Variants in CDK6 observed in about 807,000 individuals in gnomAD.
CDK6 encodes the protein cyclin dependent kinase 6.
CDK6 carries 6 observed loss-of-function variants against 37.1 expected under a neutral mutation model. That is an observed-to-expected ratio of 0.16 (90% CI 0.09 to 0.32). CDK6 has a LOEUF of 0.32. CDK6 is among the 10% of genes least tolerant of loss of function. CDK6 has a pLI of 1.00. For missense variants in CDK6, 224 were observed against 418.9 expected, an observed-to-expected ratio of 0.53 and a Z score of 4.06; for synonymous variants, 160 against 161.3, an observed-to-expected ratio of 0.99 and a Z score of 0.06.
At chr7:92,726,306 C>T in intron 3 of CDK6, among the ~76,000 whole-genome samples, 1 of 152,150 alleles carries the variant, frequency 6.6e-6, no homozygotes, top group East Asian at 1.9e-4. Context: ...CACACCACAA[C>T]ATTTAGGTAA....
At chr7:92,759,011 T>G (rs898955083) in intron 3 of CDK6, among the ~76,000 whole-genome samples, 16 of 152,194 alleles carry the variant, frequency 1.1e-4, no homozygotes, top group African/African-American at 3.9e-4. Flanking sequence ...TTGCTGAAGC[T>G]GTGGTTAAAA....
chr7:92,616,266 A>G (rs962667686), intron 7 of CDK6, among the ~76,000 whole-genome samples: 7 of 152,214 alleles, frequency 4.6e-5, no homozygotes, highest in Admixed American at 2.6e-4. Flanking sequence ...CCATGATATT[A>G]ATAGGACTCC....
chr7:92,718,455 C>T (rs941269233), intron 4 of CDK6, among the ~76,000 whole-genome samples: 4 of 152,194 alleles, frequency 2.6e-5, no homozygotes, highest in African/African-American at 9.7e-5. Context: ...ATAGTAAATA[C>T]AACACGCACG....
intron 3 of CDK6, among the ~76,000 whole-genome samples, chr7:92,735,801 A>C (rs1006281486): frequency 2.0e-5 from 3 of 152,134 alleles, no homozygotes; most frequent in Admixed American, 1.3e-4. Context: ...GAACATTCTC[A>C]CCGATTAAAC....
chr7:92,657,976 C>A (rs1034544366), intron 5 of CDK6, among the ~76,000 whole-genome samples: 4 of 152,172 alleles, frequency 2.6e-5, no homozygotes, highest in Non-Finnish European at 5.9e-5. Flanking sequence ...CCTGTTTTGG[C>A]CTTCCAAAGT....
intron 2 of CDK6, among the ~76,000 whole-genome samples, chr7:92,801,823 T>C (rs1800583604): frequency 6.6e-6 from 1 of 152,038 alleles, no homozygotes; most frequent in African/African-American, 2.4e-5. Flanking sequence ...GGTTTTGCCA[T>C]GTTGCCCAGA....
At chr7:92,643,343 A>G (rs1282088995) in intron 5 of CDK6, among the ~76,000 whole-genome samples, 1 of 152,224 alleles carries the variant, frequency 6.6e-6, no homozygotes, top group Non-Finnish European at 1.5e-5. Flanking sequence ...CAGGTTTGCC[A>G]TTATAGCACG....
At chr7:92,662,236 G>T (rs1796855127) in intron 5 of CDK6, among the ~76,000 whole-genome samples, 1 of 152,066 alleles carries the variant, frequency 6.6e-6, no homozygotes, top group African/African-American at 2.4e-5. Context: ...AGAAATTTTT[G>T]AACTGAAAGA....
At chr7:92,717,055 T>C (rs1798244327) in intron 4 of CDK6, among the ~76,000 whole-genome samples, 1 of 152,006 alleles carries the variant, frequency 6.6e-6, no homozygotes, top group African/African-American at 2.4e-5. Flanking sequence ...GGTGTCCGTA[T>C]GAAAAACAGG....
At chr7:92,748,263 G>A (rs1028336795) in intron 3 of CDK6, among the ~76,000 whole-genome samples, 1 of 152,150 alleles carries the variant, frequency 6.6e-6, no homozygotes, top group Non-Finnish European at 1.5e-5. Flanking sequence ...TGCAAAAAAG[G>A]CATTTTATAG....
chr7:92,713,462 G>C (rs1039626170), intron 4 of CDK6, among the ~76,000 whole-genome samples: 4 of 151,644 alleles, frequency 2.6e-5, no homozygotes, highest in Non-Finnish European at 4.4e-5. Context: ...CCCAAGATTT[G>C]GTTTCTATTA....
rs1156251229 is a variant in CDK6, at chr7:92,833,509, C to T, written c.-186G>A. ...CTGCAGAAGCTGGATGGAGAGACCT[C>T]CCCGCGGGGCTGGCGTAACCCTGGT... On this transcript the variant is annotated 5_prime_UTR_variant, in exon 2 of 8. Coordinates refer to ENST00000424848, the MANE Select transcript of CDK6 (RefSeq NM_001145306.2). The surrounding 1 kb of genome is among the most constrained non-coding windows in gnomAD (Gnocchi z 6.1). 1 of 563,306 alleles carries T rather than the reference C, an allele frequency of 1.8e-6. No homozygotes were observed. The highest frequency in any genetic ancestry group is 3.2e-5 in the East Asian group (1 of 31,710). 34.9% of individuals were successfully genotyped at this position (563,306 alleles called of 1,614,324 possible). A position where few individuals can be genotyped will look rare whatever the true frequency, so the allele number is the denominator to read the frequency against.
At position 92,618,149 on chromosome 7, in the gene CDK6, C is replaced by A. The variant is rs372096789; in HGVS notation, c.757G>T (p.Ala253Ser). The change falls in exon 7 of 8, where the codon GCT (alanine) becomes TCT (serine). Residue 253 changes from alanine to serine, a missense_variant. Ala to Ser is a moderately conservative substitution (Grantham distance 99). This residue lies in a region of CDK6 where 90 missense variants were observed against 136.2 expected (regional missense o/e 0.66). Coordinates refer to ENST00000424848, the MANE Select transcript of CDK6 (RefSeq NM_001145306.2). ...GGTTGGGCAGATTTTGAATGAAAAG[C>A]CTGCCTGGGAAGGGCAACATCTCTA... ...WPRDVALPRQ[A>S]FHSKSAQPIE... 3.7e-5 allele frequency: 59 copies of A among 1,613,958 alleles called. No individual in the cohort carries two copies. The highest frequency in any genetic ancestry group is 4.5e-5 in the Non-Finnish European group (53 of 1,179,938).
intron 5 of CDK6, among the ~76,000 whole-genome samples, chr7:92,632,504 C>G (rs1450879583): frequency 6.6e-6 from 1 of 152,048 alleles, no homozygotes; most frequent in Non-Finnish European, 1.5e-5. Flanking sequence ...AGGGCTCTGG[C>G]CCTTGAATGT....
At chr7:92,778,784 C>T (rs1422684024) in intron 2 of CDK6, among the ~76,000 whole-genome samples, 1 of 151,836 alleles carries the variant, frequency 6.6e-6, no homozygotes, top group African/African-American at 2.4e-5. Flanking sequence ...ATGACCATTT[C>T]AGTTGTGTTT....
intron 2 of CDK6, among the ~76,000 whole-genome samples, chr7:92,789,873 T>A (rs1800239326): frequency 6.6e-6 from 1 of 152,168 alleles, no homozygotes; most frequent in Non-Finnish European, 1.5e-5. Context: ...AGAACCAAGA[T>A]TTAAATTAGA....
intron 5 of CDK6, among the ~76,000 whole-genome samples, chr7:92,660,361 G>A (rs1796808285): frequency 6.6e-6 from 1 of 152,178 alleles, no homozygotes; most frequent in Non-Finnish European, 1.5e-5. Flanking sequence ...AGGCAGCTGG[G>A]CACCCAGGAC....
intron 5 of CDK6, among the ~76,000 whole-genome samples, chr7:92,633,522 A>G (rs1481429252): frequency 3.3e-5 from 5 of 152,170 alleles, no homozygotes; most frequent in Non-Finnish European, 5.9e-5. Context: ...GCATGGGCCA[A>G]ACAAAGGAAA....
At chr7:92,796,605 AG>A (rs1297059785) in intron 2 of CDK6, among the ~76,000 whole-genome samples, 4 of 152,158 alleles carry the variant, frequency 2.6e-5, no homozygotes, top group Non-Finnish European at 4.4e-5. Context: ...TGGTAAGAGT[AG>A]GATATTTTCC....
Sources: gnomAD v4.1 joint callset for allele counts (sites outside exome capture counted in the v4.1 genomes callset) on GRCh38, gnomAD v4.1.1 for gene constraint, gnomAD v4.1.1 regional missense constraint, Gnocchi (gnomAD v3.1) non-coding constraint, MANE v1.5 for transcripts, NCBI Gene and HGNC (gene_info 2026-07-23, HGNC 2026-07-21) for gene names.